The following UST variants were observed in gnomAD, a reference collection of about 807,000 sequenced individuals.
The protein encoded by UST is chondroitin sulfate 2-O-sulfotransferase.
UST carries 21 observed loss-of-function variants against 45.6 expected under a neutral mutation model. That is an observed-to-expected ratio of 0.46 (90% CI 0.33 to 0.66). The LOEUF is 0.66. Ranked by LOEUF, UST falls within the 30% of genes least tolerant of loss-of-function variation. The probability of loss-of-function intolerance (pLI) is 0.02; values close to 1 mark genes in which losing one functional copy is unlikely to be tolerated. For synonymous variants in UST, 215 were observed against 200.6 expected, an observed-to-expected ratio of 1.07 and a Z score of -0.61; for missense variants, 463 against 512.4, an observed-to-expected ratio of 0.90 and a Z score of 0.93.
intron 1 of UST, among the ~76,000 whole-genome samples, chr6:148,804,220 A>G (rs948265359): frequency 6.6e-6 from 1 of 152,222 alleles, no homozygotes; most frequent in Non-Finnish European, 1.5e-5. Flanking sequence ...TGGCCAATGT[A>G]GAATGCTCTC....
At chr6:149,013,940 G>C (rs1183182448) in intron 5 of UST, among the ~76,000 whole-genome samples, 1 of 152,228 alleles carries the variant, frequency 6.6e-6, no homozygotes, top group East Asian at 1.9e-4. Flanking sequence ...CACCTTTTGT[G>C]ATAAAATTAA....
At chr6:149,065,242 AT>A (rs1562344515) in intron 7 of UST, among the ~76,000 whole-genome samples, 1 of 152,232 alleles carries the variant, frequency 6.6e-6, no homozygotes, top group African/African-American at 2.4e-5. Context: ...TTGAAAAAAA[AT>A]CCTAACAACT....
intron 1 of UST, among the ~76,000 whole-genome samples, chr6:148,777,132 G>GT (rs1197832558): frequency 6.6e-6 from 1 of 152,160 alleles, no homozygotes; most frequent in East Asian, 1.9e-4. Flanking sequence ...GACAGGAGCC[G>GT]TTTTTTCCTG....
At chr6:149,025,801 A>G (rs1776040870) in intron 7 of UST, among the ~76,000 whole-genome samples, 3 of 152,134 alleles carry the variant, frequency 2.0e-5, no homozygotes, top group Admixed American at 2.0e-4. Context: ...ACTTGAGGCT[A>G]GGAGTTTGAG....
chr6:148,767,949 T>C (rs1158804891), intron 1 of UST, among the ~76,000 whole-genome samples: 2 of 152,220 alleles, frequency 1.3e-5, no homozygotes, highest in Non-Finnish European at 2.9e-5. Flanking sequence ...CTAGTTTTTT[T>C]TGTGGTTGTA....
At chr6:148,842,824 C>T (rs1777914266) in intron 1 of UST, among the ~76,000 whole-genome samples, 1 of 152,146 alleles carries the variant, frequency 6.6e-6, no homozygotes, top group Non-Finnish European at 1.5e-5. Context: ...TATAACAGGC[C>T]TAGTCTGTGG....
intron 1 of UST, among the ~76,000 whole-genome samples, chr6:148,855,818 A>G (rs1778192455): frequency 6.6e-6 from 1 of 152,156 alleles, no homozygotes. Flanking sequence ...GGCCACGGGT[A>G]CCACTGCAGA....
chr6:148,971,366 C>T (rs1780916181), intron 5 of UST, among the ~76,000 whole-genome samples: 1 of 152,154 alleles, frequency 6.6e-6, no homozygotes, highest in African/African-American at 2.4e-5. Flanking sequence ...CTAAAATGGA[C>T]ACTGTCAGTC....
At chr6:148,975,871 T>C (rs1781005659) in intron 5 of UST, among the ~76,000 whole-genome samples, 2 of 152,190 alleles carry the variant, frequency 1.3e-5, no homozygotes, top group South Asian at 4.1e-4. Flanking sequence ...GAGACATGAC[T>C]GAGCTAGAGG....
intron 1 of UST, among the ~76,000 whole-genome samples, chr6:148,881,770 G>T (rs1778827542): frequency 6.6e-6 from 1 of 152,106 alleles, no homozygotes; most frequent in Non-Finnish European, 1.5e-5. Context: ...ATGCCTGGGA[G>T]CCTCTCCAAG....
chr6:148,903,638 T>C (rs1472644090), intron 2 of UST, among the ~76,000 whole-genome samples: 1 of 149,448 alleles, frequency 6.7e-6, no homozygotes, highest in Non-Finnish European at 1.5e-5. Flanking sequence ...AGACAGGCAC[T>C]ATTTCTCAGT....
chr6:148,835,573 G>GAA (rs1777772100), intron 1 of UST, among the ~76,000 whole-genome samples: 2 of 152,068 alleles, frequency 1.3e-5, no homozygotes, highest in Admixed American at 6.6e-5. Flanking sequence ...GTTTTGTCTC[G>GAA]AAGAGCTCAA....
intron 2 of UST, 72 bp downstream of exon 2, chr6:148,887,101 G>T (rs1778926437): frequency 8.6e-7 from 1 of 1,162,392 alleles, no homozygotes; most frequent in African/African-American, 1.5e-5. Context: ...AAGCAGAACA[G>T]ATCTCTCCTG....
At chr6:148,947,074 TA>T (rs1780260136) in intron 3 of UST, among the ~76,000 whole-genome samples, 1 of 151,810 alleles carries the variant, frequency 6.6e-6, no homozygotes, top group Non-Finnish European at 1.5e-5. Context: ...TAGTGTAAAT[TA>T]AGAATAATGT....
intron 1 of UST, among the ~76,000 whole-genome samples, chr6:148,859,405 ATGGG>A (rs1450451879): frequency 5.3e-5 from 8 of 152,174 alleles, no homozygotes; most frequent in Non-Finnish European, 1.2e-4. Flanking sequence ...CCTTTGTCAG[ATGGG>A]TAGATTGTAA....
intron 1 of UST, among the ~76,000 whole-genome samples, chr6:148,806,930 C>G (rs1182506795): frequency 6.6e-6 from 1 of 152,202 alleles, no homozygotes; most frequent in Non-Finnish European, 1.5e-5. Context: ...GGCCAGAGCC[C>G]CCATGACCTG....
intron 1 of UST, among the ~76,000 whole-genome samples, chr6:148,782,818 C>G (rs143017060): frequency 6.6e-6 from 1 of 152,174 alleles, no homozygotes; most frequent in Non-Finnish European, 1.5e-5. Flanking sequence ...CTGGCGAAGA[C>G]GCGGTGAACA....
chr6:148,977,203 A>G (rs1781031568), intron 5 of UST, among the ~76,000 whole-genome samples: 1 of 151,824 alleles, frequency 6.6e-6, no homozygotes, highest in African/African-American at 2.4e-5. Context: ...ATTTTGTTCC[A>G]TTAATGTGTA....
At chr6:148,857,475 A>AT (rs1294061452) in intron 1 of UST, among the ~76,000 whole-genome samples, 1 of 152,170 alleles carries the variant, frequency 6.6e-6, no homozygotes, top group African/African-American at 2.4e-5. Flanking sequence ...CTGGGTAAGT[A>AT]TATCTAACTT....
Sources: gnomAD v4.1 joint callset for allele counts (sites outside exome capture counted in the v4.1 genomes callset) on GRCh38, gnomAD v4.1.1 for gene constraint, MANE v1.5 for transcripts, NCBI Gene and HGNC (gene_info 2026-07-23, HGNC 2026-07-21) for gene names.